Variants in PDE11A observed in about 807,000 individuals in gnomAD.
PDE11A encodes the protein phosphodiesterase 11A.
PDE11A carries 100 observed loss-of-function variants against 100.5 expected under a neutral mutation model. The ratio of observed to expected loss-of-function variants is 1.00; its 90% CI spans 0.85 to 1.18. PDE11A has a LOEUF of 1.18. Ranked by LOEUF, PDE11A falls within the 50% of genes most tolerant of loss-of-function variation. The pLI is 0.00. For synonymous variants in PDE11A, 381 were observed against 420.8 expected (o/e 0.91, Z 1.16); for missense variants, 1,141 against 1,152.6 (o/e 0.99, Z 0.15).
intron 6 of PDE11A, among the ~76,000 whole-genome samples, chr2:177,824,316 T>C (rs1558957134): frequency 6.6e-6 from 1 of 152,184 alleles, no homozygotes; most frequent in East Asian, 1.9e-4. Context: ...GTTAATTGCA[T>C]GGGTAAGATT....
intron 2 of PDE11A, among the ~76,000 whole-genome samples, chr2:178,080,026 G>GT (rs2087263761): frequency 6.6e-6 from 1 of 152,016 alleles, no homozygotes; most frequent in South Asian, 2.1e-4. Context: ...TAAGTTCCTT[G>GT]TAGACTCTGG....
intron 9 of PDE11A, among the ~76,000 whole-genome samples, chr2:177,810,050 T>C (rs1008888919): frequency 6.6e-6 from 1 of 151,902 alleles, no homozygotes; most frequent in African/African-American, 2.4e-5. Flanking sequence ...AGATGGTATC[T>C]AGGAAGAGGT....
chr2:177,667,613 G>T (rs2080609575), intron 18 of PDE11A, among the ~76,000 whole-genome samples: 1 of 152,024 alleles, frequency 6.6e-6, no homozygotes, highest in South Asian at 2.1e-4. Flanking sequence ...TGAGTGTGAG[G>T]CCCCACACAG....
chr2:177,820,201 T>TA lies in PDE11A; in HGVS notation c.1576+18dup, dbSNP rs1574177141. 1.6e-6 allele frequency: 2 copies of TA among 1,272,062 alleles called. No homozygotes were observed. Among genetic ancestry groups the TA allele is most frequent in the East Asian group, 4.6e-5 (2 of 43,218 alleles). The allele number at this position is 1,272,062 out of a possible 1,614,324, so 78.8% of individuals were successfully genotyped here. On this transcript the variant is annotated intron_variant, in intron 7 of 19. Coordinates refer to ENST00000286063, the MANE Select transcript of PDE11A (RefSeq NM_016953.4). ...TGTTTCTTTATTCAAGAAGTTTAACTATTTAGGTCATCTCTTACCAATTAT... is the reference window on the plus strand; with the variant it reads ...TGTTTCTTTATTCAAGAAGTTTAACTAATTTAGGTCATCTCTTACCAATTAT...
At chr2:178,070,151 A>C (rs1421526759) in intron 1 of PDE11A, among the ~76,000 whole-genome samples, 1 of 152,260 alleles carries the variant, frequency 6.6e-6, no homozygotes, top group Admixed American at 6.5e-5. Context: ...AGGAATAAAC[A>C]CTTGTTGAAA....
At chr2:177,931,911 C>CAAAAAAAAAAAAAAA (rs71410773) in intron 2 of PDE11A, among the ~76,000 whole-genome samples, 3 of 80,228 alleles carry the variant, frequency 3.7e-5, no homozygotes, top group Admixed American at 1.5e-4. Flanking sequence ...GCTAGATTAA[C>CAAAAAAAAAAAAAAA]AAAAAAAAAA....
At chr2:178,102,856 A>T (rs2087576185) in intron 2 of PDE11A, among the ~76,000 whole-genome samples, 1 of 151,986 alleles carries the variant, frequency 6.6e-6, no homozygotes. Flanking sequence ...TGCAGATGTG[A>T]TTAATTGAGA....
At chr2:177,954,689 A>G (rs1004594665) in intron 2 of PDE11A, among the ~76,000 whole-genome samples, 2 of 152,210 alleles carry the variant, frequency 1.3e-5, no homozygotes, top group Admixed American at 1.3e-4. Flanking sequence ...GGAATTTATC[A>G]AAAACATTGC....
In PDE11A at chr2:177,867,734, G is replaced by GAA. The variant is rs199498794; in HGVS notation, c.1367+8123_1367+8124dup. On this transcript the variant is annotated intron_variant, in intron 5 of 19. Transcript: ENST00000286063. ...GAGCGAGACTCCGTCTCAAAAAAAA[G>GAA]AAAAACAATTGCAATATGATTGCAG... is the stretch of plus-strand genomic sequence containing the variant. 7.2e-3 allele frequency among the ~76,000 whole-genome samples: 1,096 copies of GAA among 152,160 alleles called. 12 individuals carry two copies. Among genetic ancestry groups the GAA allele is most frequent in the African/African-American group, 0.025 (1,020 of 41,506 alleles).
At chr2:177,895,426 T>C (rs1202629798) in intron 4 of PDE11A, among the ~76,000 whole-genome samples, 1 of 151,814 alleles carries the variant, frequency 6.6e-6, no homozygotes, top group Non-Finnish European at 1.5e-5. Flanking sequence ...TCGTGGTGGG[T>C]GCCTGTTATC....
At chr2:177,671,435 A>G (rs10165396) in intron 17 of PDE11A, among the ~76,000 whole-genome samples, 5,614 of 152,258 alleles carry the variant, frequency 0.037, 361 homozygotes, top group African/African-American at 0.13. Context: ...GTCTTGTTGC[A>G]GGAAGGGAAA....
intron 3 of PDE11A, among the ~76,000 whole-genome samples, chr2:177,904,650 G>T (rs569261953): frequency 6.8e-6 from 1 of 146,598 alleles, no homozygotes; most frequent in African/African-American, 2.5e-5. Context: ...CGCCTCCTGG[G>T]TTCAAGCAAT....
At chr2:177,765,586 C>T (rs2082228354) in intron 10 of PDE11A, among the ~76,000 whole-genome samples, 1 of 152,222 alleles carries the variant, frequency 6.6e-6, no homozygotes, top group African/African-American at 2.4e-5. Context: ...AGTGATGCTT[C>T]CTTCATTAGG....
At chr2:177,711,255 T>G (rs1353302324) in intron 13 of PDE11A, among the ~76,000 whole-genome samples, 1 of 152,238 alleles carries the variant, frequency 6.6e-6, no homozygotes, top group Non-Finnish European at 1.5e-5. Context: ...CACCTTTCTA[T>G]GGGAGTAGGG....
At chr2:177,676,071 C>T (rs1421929810) in intron 16 of PDE11A, 1 of 195,834 alleles carries the variant, frequency 5.1e-6, no homozygotes, top group Admixed American at 5.3e-5. Context: ...CTACCTGGCT[C>T]CAACAATGGT....
chr2:178,081,468 T>C (rs1160420593), intron 2 of PDE11A, among the ~76,000 whole-genome samples: 2 of 152,218 alleles, frequency 1.3e-5, no homozygotes, highest in Admixed American at 1.3e-4. Flanking sequence ...ATTTGGTTAA[T>C]TTCAGTCTCT....
intron 9 of PDE11A, among the ~76,000 whole-genome samples, chr2:177,786,846 T>A (rs1252718178): frequency 3.9e-5 from 6 of 151,914 alleles, no homozygotes; most frequent in Admixed American, 2.0e-4. Context: ...GAAAAAAGAA[T>A]AAAAAGAAAC....
chr2:178,010,210 C>G (rs1372052450), intron 2 of PDE11A, among the ~76,000 whole-genome samples: 1 of 152,190 alleles, frequency 6.6e-6, no homozygotes, highest in African/African-American at 2.4e-5. Context: ...AGACTTGAAC[C>G]TGCTTTGGAG....
At chr2:177,858,473 C>T (rs576828164) in intron 5 of PDE11A, among the ~76,000 whole-genome samples, 1,689 of 151,240 alleles carry the variant, frequency 0.011, 30 homozygotes, top group African/African-American at 0.039. Context: ...GAAATTTATG[C>T]AGCCAACAGA....
Sources: allele counts gnomAD v4.1 joint callset (sites outside exome capture counted in the v4.1 genomes callset), GRCh38; gene constraint gnomAD v4.1.1; transcripts MANE v1.5; gene names NCBI Gene and HGNC (gene_info 2026-07-23, HGNC 2026-07-21).